The following KCNH7 variants were observed in gnomAD, a reference collection of about 807,000 sequenced individuals.
KCNH7 encodes the protein voltage-gated inwardly rectifying potassium channel KCNH7.
Under a neutral mutation model 120.8 loss-of-function variants are expected in KCNH7, and 49 were observed. The observed-to-expected ratio is 0.41, with a 90% CI of 0.32 to 0.51. The LOEUF is 0.51. Ranked by LOEUF, KCNH7 falls within the 20% of genes least tolerant of loss-of-function variation. The probability of loss-of-function intolerance (pLI) is 0.38; values close to 1 mark genes in which losing one functional copy is unlikely to be tolerated. For missense variants in KCNH7, 1,097 were observed against 1,446.6 expected (o/e 0.76, Z 3.92); for synonymous variants, 547 against 516.1 (o/e 1.06, Z -0.81).
intron 2 of KCNH7, among the ~76,000 whole-genome samples, chr2:162,692,146 G>C (rs532254205): frequency 3.2e-4 from 48 of 149,108 alleles, no homozygotes; most frequent in African/African-American, 1.2e-3. Context: ...TTTGGAGCTA[G>C]AGTCTGGCTC....
At chr2:162,683,313 G>C (rs887239338) in intron 2 of KCNH7, among the ~76,000 whole-genome samples, 3 of 151,788 alleles carry the variant, frequency 2.0e-5, no homozygotes, top group Non-Finnish European at 4.4e-5. Context: ...AGAGGGTTTA[G>C]ATATTTTTAA....
At chr2:162,814,273 A>G (rs551167768) in intron 2 of KCNH7, among the ~76,000 whole-genome samples, 1 of 152,336 alleles carries the variant, frequency 6.6e-6, no homozygotes, top group Non-Finnish European at 1.5e-5. Flanking sequence ...TAGAAAACAT[A>G]ATAGATGATT....
chr2:162,448,247 T>C (rs533084324), intron 6 of KCNH7, among the ~76,000 whole-genome samples: 1 of 152,206 alleles, frequency 6.6e-6, no homozygotes, highest in Admixed American at 6.6e-5. Context: ...ATGCTTAGTA[T>C]AGAGAACCAG....
At chr2:162,493,041 G>GA (rs1690374898) in intron 6 of KCNH7, among the ~76,000 whole-genome samples, 3 of 151,752 alleles carry the variant, frequency 2.0e-5, no homozygotes, top group African/African-American at 7.3e-5. Context: ...TCCATTTTGG[G>GA]AAAAAAATAT....
chr2:162,660,540 G>C (rs1057270195), intron 2 of KCNH7, among the ~76,000 whole-genome samples: 1 of 152,056 alleles, frequency 6.6e-6, no homozygotes, highest in Non-Finnish European at 1.5e-5. Context: ...GTTCTATTCT[G>C]GTGAATGTCC....
intron 2 of KCNH7, among the ~76,000 whole-genome samples, chr2:162,765,207 G>A (rs934416033): frequency 6.6e-6 from 1 of 152,132 alleles, no homozygotes; most frequent in Non-Finnish European, 1.5e-5. Context: ...GCAGAAAAAG[G>A]AAAATGAAAT....
intron 2 of KCNH7, among the ~76,000 whole-genome samples, chr2:162,694,813 G>A (rs1447334240): frequency 6.6e-6 from 1 of 151,612 alleles, no homozygotes; most frequent in African/African-American, 2.4e-5. Context: ...GCGTGATCTC[G>A]GGTCACTGAA....
intron 6 of KCNH7, among the ~76,000 whole-genome samples, chr2:162,457,589 C>A (rs554206502): frequency 5.3e-5 from 8 of 152,060 alleles, no homozygotes; most frequent in African/African-American, 1.9e-4. Flanking sequence ...AAATTTTGTG[C>A]GAACACCAGG....
At chr2:162,713,128 C>A (rs2105361032) in intron 2 of KCNH7, among the ~76,000 whole-genome samples, 1 of 152,228 alleles carries the variant, frequency 6.6e-6, no homozygotes, top group South Asian at 2.1e-4. Flanking sequence ...CTTCCCCAGG[C>A]TGGTCTGTTG....
chr2:162,416,362 G>C (rs1687541721), intron 9 of KCNH7, among the ~76,000 whole-genome samples: 1 of 145,838 alleles, frequency 6.9e-6, no homozygotes, highest in Non-Finnish European at 1.5e-5. Context: ...AACAGTGTGA[G>C]ACTCCGTCTC....
At chr2:162,621,250 A>ATTTT (rs1559048811) in intron 2 of KCNH7, among the ~76,000 whole-genome samples, 1 of 34,310 alleles carries the variant, frequency 2.9e-5, no homozygotes, top group Admixed American at 3.9e-4. Flanking sequence ...GGGTATCATC[A>ATTTT]TCTTTTTTTT....
intron 6 of KCNH7, among the ~76,000 whole-genome samples, chr2:162,464,199 C>A (rs189698939): frequency 6.6e-6 from 1 of 151,916 alleles, no homozygotes; most frequent in Admixed American, 6.6e-5. Context: ...TAATTTTGTA[C>A]CAGAGATTCA....
At chr2:162,798,244 A>G (rs948339893) in intron 2 of KCNH7, among the ~76,000 whole-genome samples, 8 of 152,054 alleles carry the variant, frequency 5.3e-5, no homozygotes, top group Admixed American at 5.2e-4. Context: ...AGTTTGCCCT[A>G]AGGCTTTTTA....
chr2:162,625,529 G>A (rs539811215), intron 2 of KCNH7, among the ~76,000 whole-genome samples: 1 of 152,270 alleles, frequency 6.6e-6, no homozygotes, highest in East Asian at 1.9e-4. Context: ...GGCAGCATCA[G>A]GGCCCAGGCA....
chr2:162,491,149 A>C (rs182526665), intron 6 of KCNH7, among the ~76,000 whole-genome samples: 1 of 152,234 alleles, frequency 6.6e-6, no homozygotes, highest in Admixed American at 6.5e-5. Flanking sequence ...CCTGCCATGA[A>C]CCTGTGGAGC....
intron 9 of KCNH7, among the ~76,000 whole-genome samples, chr2:162,418,327 T>G (rs1676539753): frequency 6.6e-6 from 1 of 152,076 alleles, no homozygotes; most frequent in African/African-American, 2.4e-5. Context: ...TTCTGAAATT[T>G]TATTATAGCT....
chr2:162,406,013 G>A lies in KCNH7; in HGVS notation c.2155-5572C>T, dbSNP rs554693564. Reference sequence around the variant, plus strand: ...CATCTACTTAATCAAATTTTACCTGGCTGCTGATAAAAGATAGCCAAATAG... The same window carrying A: ...CATCTACTTAATCAAATTTTACCTGACTGCTGATAAAAGATAGCCAAATAG... On this transcript the variant is annotated intron_variant, in intron 9 of 15. Transcript: ENST00000332142. Among the ~76,000 whole-genome samples, 18 of 151,940 alleles carry A rather than the reference G, an allele frequency of 1.2e-4. No homozygotes were observed. The South Asian group carries it at 3.5e-3, about 30-fold the overall frequency.
intron 2 of KCNH7, among the ~76,000 whole-genome samples, chr2:162,672,265 G>C (rs1327236471): frequency 6.6e-6 from 1 of 151,964 alleles, no homozygotes; most frequent in Admixed American, 6.6e-5. Flanking sequence ...TAGGCATAAA[G>C]TAACTTTTAG....
chr2:162,573,059 TA>T (rs1029995499), intron 2 of KCNH7, among the ~76,000 whole-genome samples: 1 of 151,502 alleles, frequency 6.6e-6, no homozygotes, highest in African/African-American at 2.4e-5. Context: ...ATAACACACT[TA>T]AAAAAAAAGG....
Sources: gnomAD v4.1 joint callset for allele counts (sites outside exome capture counted in the v4.1 genomes callset) on GRCh38, gnomAD v4.1.1 for gene constraint, MANE v1.5 for transcripts, NCBI Gene and HGNC (gene_info 2026-07-23, HGNC 2026-07-21) for gene names.